The following NPEPPS variants were observed in gnomAD, a reference collection of about 807,000 sequenced individuals.
NPEPPS encodes aminopeptidase puromycin sensitive.
A neutral mutation model predicts 115.5 loss-of-function variants in NPEPPS; 14 were observed. The ratio of observed to expected loss-of-function variants is 0.12; its 90% CI spans 0.08 to 0.19. The LOEUF (loss-of-function observed/expected upper bound fraction) is 0.19, where lower values mean the gene tolerates loss of function less well. Among genes scored for constraint, NPEPPS ranks in the 10% least tolerant of loss-of-function variants. The pLI is 1.00. For synonymous variants in NPEPPS, 285 were observed against 390.6 expected (o/e 0.73, Z 3.19); for missense variants, 523 against 1,110.8 (o/e 0.47, Z 7.52).
intron 5 of NPEPPS, among the ~76,000 whole-genome samples, chr17:47,583,983 G>A (rs1912039190): frequency 6.6e-6 from 1 of 151,276 alleles, no homozygotes; most frequent in Admixed American, 6.6e-5. Context: ...CACTTCAGGA[G>A]GCTGAGGCAG....
At chr17:47,603,660 A>G (rs992346627) in intron 15 of NPEPPS, 5 of 333,560 alleles carry the variant, frequency 1.5e-5, no homozygotes, top group African/African-American at 6.3e-5. Flanking sequence ...AGAAACCCAC[A>G]TTATTTTGTC....
chr17:47,539,021 G>A (rs1266365741), intron 1 of NPEPPS, among the ~76,000 whole-genome samples: 7 of 151,196 alleles, frequency 4.6e-5, no homozygotes, highest in Non-Finnish European at 1.0e-4. Context: ...GTGAGAGTTT[G>A]TTGGATTCTC....
chr17:47,568,712 A>G (rs1910993525), intron 2 of NPEPPS, among the ~76,000 whole-genome samples: 1 of 151,786 alleles, frequency 6.6e-6, no homozygotes, highest in Admixed American at 6.6e-5. Context: ...CTGGAGTGCA[A>G]TGATGTGATC....
Position 47,592,490 on chromosome 17 carries a change from T to G in NPEPPS, c.1371T>G (p.Phe457Leu), listed in dbSNP as rs1047405858. ...MLHDYIGDKD[F>L]KKGMNMYLTK... Reference sequence around the variant, plus strand: ...TAAAAATTGTGTTTTCTCAGGACTTTAAGAAAGGAATGAACATGTATTTAA... The same window carrying G: ...TAAAAATTGTGTTTTCTCAGGACTTGAAGAAAGGAATGAACATGTATTTAA... Residue 457 changes from phenylalanine (F) to leucine (L), a missense_variant, in exon 12 of 23, where the codon TTT becomes TTG. By Grantham distance (22) the Phe-to-Leu change is conservative. Transcript: ENST00000322157. 3.2e-6 allele frequency: 5 copies of G among 1,585,274 alleles called. No individual in the cohort carries two copies. The highest frequency in any genetic ancestry group is 4.3e-6 in the Non-Finnish European group (5 of 1,164,740).
At chr17:47,592,996 C>CT (rs962975362) in intron 12 of NPEPPS, among the ~76,000 whole-genome samples, 1 of 152,128 alleles carries the variant, frequency 6.6e-6, no homozygotes, top group Non-Finnish European at 1.5e-5. Flanking sequence ...AAATCTGAAA[C>CT]TTTTTGAGTG....
chr17:47,547,353 T>G (rs1255250931), intron 2 of NPEPPS, among the ~76,000 whole-genome samples: 1 of 142,402 alleles, frequency 7.0e-6, no homozygotes, highest in East Asian at 2.0e-4. Flanking sequence ...TGCTTTTTAC[T>G]TTTTTTTTTT....
intron 1 of NPEPPS, among the ~76,000 whole-genome samples, chr17:47,524,739 C>T (rs1285896907): frequency 2.7e-5 from 4 of 150,614 alleles, no homozygotes; most frequent in East Asian, 1.9e-4. Context: ...CTCCTGACCT[C>T]GTGATCCGTC....
chr17:47,539,335 C>T (rs1908583922), intron 1 of NPEPPS, among the ~76,000 whole-genome samples: 1 of 152,108 alleles, frequency 6.6e-6, no homozygotes, highest in Non-Finnish European at 1.5e-5. Flanking sequence ...GAGATTAGTT[C>T]TCTAGATTTT....
chr17:47,570,987 G>T (rs993115651), intron 3 of NPEPPS, among the ~76,000 whole-genome samples: 2 of 152,144 alleles, frequency 1.3e-5, no homozygotes, highest in African/African-American at 4.8e-5. Context: ...AATACTTTAT[G>T]CCCAGAAGTG....
rs1472653604 is a variant in NPEPPS, at chr17:47,596,450, G to A, written c.1524G>A (p.Val508=). 2 of 1,576,694 alleles carry A rather than the reference G, an allele frequency of 1.3e-6. No homozygotes were observed. The highest frequency in any genetic ancestry group is 1.7e-6 in the Non-Finnish European group (2 of 1,157,674). ...AAATGGGATTTCCCCTCATTTATGTGGAAGCTGAACAGGTAAACATATAAA... is the reference window on the plus strand; with the variant it reads ...AAATGGGATTTCCCCTCATTTATGTAGAAGCTGAACAGGTAAACATATAAA... ...TKQMGFPLIY[V]EAEQVEDDRL... is the part of the protein sequence containing the mutation. The change falls in exon 13 of 23, where the codon GTG becomes GTA. Residue 508 remains valine (V), a synonymous_variant. Transcript: ENST00000322157.
intron 3 of NPEPPS, among the ~76,000 whole-genome samples, chr17:47,572,031 T>C (rs151315594): frequency 0.014 from 1,826 of 126,680 alleles, 23 homozygotes; most frequent in Middle Eastern, 0.025. Flanking sequence ...CCAGGACTAG[T>C]AGTGAGCGGG....
At chr17:47,542,090 T>A (rs1447852620) in intron 1 of NPEPPS, among the ~76,000 whole-genome samples, 1 of 152,216 alleles carries the variant, frequency 6.6e-6, no homozygotes, top group African/African-American at 2.4e-5. Context: ...ACTCTGATGT[T>A]CTTACCTAGT....
rs1450619760 is a variant in NPEPPS at position 47,585,513 on chromosome 17, G to A, written c.662G>A (p.Arg221Gln). 3.1e-6 allele frequency: 5 copies of A among 1,612,080 alleles called. No individual in the cohort carries two copies. The highest frequency in any genetic ancestry group is 1.7e-5 in the Admixed American group (1 of 59,992). ...VALSNMNVID[R>Q]KPYPDDENLV... ...TATTTCTTAAAGAATGTAATTGACC[G>A]GAAACCATACCCTGATGATGAAAAT... The change falls in exon 6 of 23, where the codon CGG becomes CAG. Residue 221 changes from arginine to glutamine, a missense_variant. By Grantham distance (43) the Arg-to-Gln change is conservative (BLOSUM62 1). Coordinates refer to ENST00000322157, the MANE Select transcript of NPEPPS (RefSeq NM_006310.4).
intron 17 of NPEPPS, among the ~76,000 whole-genome samples, chr17:47,611,440 C>T (rs937941880): frequency 7.0e-6 from 1 of 142,554 alleles, no homozygotes. Context: ...GCTTGGGCAA[C>T]AGAGCGAGAC....
intron 15 of NPEPPS, 191 bp downstream of exon 15, chr17:47,601,938 A>AC: frequency 1.7e-6 from 1 of 586,044 alleles, no homozygotes; most frequent in Non-Finnish European, 2.8e-6. Flanking sequence ...AGTGGTAGAG[A>AC]AGCAGATCCA....
intron 2 of NPEPPS, among the ~76,000 whole-genome samples, chr17:47,556,079 T>C (rs1910005341): frequency 6.7e-6 from 1 of 148,932 alleles, no homozygotes; most frequent in African/African-American, 2.5e-5. Context: ...TTCTCTTTTT[T>C]TTTTTTTTTT....
At chr17:47,547,145 G>T (rs1909274692) in intron 2 of NPEPPS, among the ~76,000 whole-genome samples, 1 of 152,102 alleles carries the variant, frequency 6.6e-6, no homozygotes, top group Admixed American at 6.6e-5. Flanking sequence ...TACAGGGGAA[G>T]AACATGCTAA....
chr17:47,554,493 C>G (rs1909870967), intron 2 of NPEPPS, among the ~76,000 whole-genome samples: 1 of 152,100 alleles, frequency 6.6e-6, no homozygotes, highest in African/African-American at 2.4e-5. Context: ...TCCCAGTTAG[C>G]TAGGACTATA....
Position 47,596,435 on chromosome 17 carries a change from TC to T in NPEPPS, c.1513del (p.Leu505SerfsTer9). 1 of 1,588,926 alleles carries T rather than the reference TC, an allele frequency of 6.3e-7. No homozygotes were observed. The highest frequency in any genetic ancestry group is 8.6e-7 in the Non-Finnish European group (1 of 1,166,260). On this transcript the variant is annotated frameshift_variant, in exon 13 of 23. Transcript: ENST00000322157. LOFTEE classifies it high-confidence loss of function. The part of the protein sequence containing the change: ...MNTWTKQMGF[P>X]LIYVEAEQVE... ...ATACCTGGACCAAACAAATGGGATTTCCCCTCATTTATGTGGAAGCTGAACA... is the reference window on the plus strand; with the variant it reads ...ATACCTGGACCAAACAAATGGGATTTCCCTCATTTATGTGGAAGCTGAACA...
Sources: allele counts gnomAD v4.1 joint callset (sites outside exome capture counted in the v4.1 genomes callset), GRCh38; gene constraint gnomAD v4.1.1; transcripts MANE v1.5; gene names NCBI Gene and HGNC (gene_info 2026-07-23, HGNC 2026-07-21).